The following WFDC1 variants were observed in gnomAD, a reference collection of about 807,000 sequenced individuals.
WFDC1 encodes the protein WAP four-disulfide core domain protein 1.
In WFDC1, 39 loss-of-function variants were observed where a neutral mutation model predicts 32.9. That is an observed-to-expected ratio of 1.19 (90% CI 0.92 to 1.55). WFDC1 has a LOEUF of 1.55. WFDC1 is among the 40% of genes most tolerant of loss of function. WFDC1 has a pLI of 0.00. For missense variants in WFDC1, 386 were observed against 309.5 expected (o/e 1.25, Z -1.85); for synonymous variants, 184 against 137.4 (o/e 1.34, Z -2.37).
intron 2 of WFDC1, 101 bp downstream of exon 2, chr16:84,313,254 C>A (rs1343629809): frequency 1.7e-6 from 2 of 1,186,480 alleles, no homozygotes; most frequent in African/African-American, 1.6e-5. Flanking sequence ...AGCTGGGCCA[C>A]CTGGGCGGGT....
At chr16:84,305,207 C>T (rs559954785) in intron 1 of WFDC1, among the ~76,000 whole-genome samples, 90 of 152,370 alleles carry the variant, frequency 5.9e-4, no homozygotes, top group African/African-American at 2.1e-3. Context: ...AATGCTGCCT[C>T]CCTTGCCATA....
At chr16:84,319,285 TG>T in intron 3 of WFDC1, 145 bp from the exon 4 acceptor site, 2 of 1,126,490 alleles carry the variant, frequency 1.8e-6, no homozygotes, top group Non-Finnish European at 1.2e-6. Context: ...GGGCCTAGCC[TG>T]GAACCTGGGG....
At chr16:84,314,173 C>G (rs143979849) in intron 2 of WFDC1, among the ~76,000 whole-genome samples, 3 of 152,206 alleles carry the variant, frequency 2.0e-5, no homozygotes, top group South Asian at 2.1e-4. Flanking sequence ...CGATGCCAAC[C>G]TCTCGGGGAG....
chr16:84,325,373 T>C lies in WFDC1; in HGVS notation c.604+913T>C, dbSNP rs545740554. Among the ~76,000 whole-genome samples, 4 of 152,296 alleles carry C rather than the reference T, an allele frequency of 2.6e-5. No individual in the cohort carries two copies. The South Asian group carries it at 6.2e-4, about 24-fold the overall frequency. On this transcript the variant is annotated intron_variant, in intron 5 of 6. Coordinates refer to ENST00000219454, the MANE Select transcript of WFDC1 (RefSeq NM_021197.4). ...GTCCGCCACCATACCTGGATAATTT[T>C]TGTATTTTTAGTAGAGACGAGGTTT...
intron 3 of WFDC1, 24 bp from the exon 4 acceptor site, chr16:84,319,407 C>T (rs573154673): frequency 1.2e-6 from 2 of 1,605,672 alleles, no homozygotes. Flanking sequence ...GCCTTCTAGA[C>T]CCCAGCGTGT....
intron 2 of WFDC1, among the ~76,000 whole-genome samples, chr16:84,315,651 C>T (rs542212392): frequency 5.3e-5 from 8 of 152,318 alleles, no homozygotes; most frequent in Non-Finnish European, 7.3e-5. Flanking sequence ...GGATGGTCAG[C>T]GGCTTCCTTG....
At chr16:84,323,055 A>G (rs1266640594) in intron 4 of WFDC1, among the ~76,000 whole-genome samples, 1 of 151,976 alleles carries the variant, frequency 6.6e-6, no homozygotes, top group Non-Finnish European at 1.5e-5. Flanking sequence ...GCCAGAATTC[A>G]CCCCCAGGTA....
At chr16:84,298,337 C>T (rs900692497) in intron 1 of WFDC1, among the ~76,000 whole-genome samples, 8 of 151,996 alleles carry the variant, frequency 5.3e-5, no homozygotes, top group African/African-American at 1.5e-4. Flanking sequence ...TCAGGTGATC[C>T]GCCCGCCTCG....
At chr16:84,318,877 T>C (rs892576498) in intron 3 of WFDC1, 1 of 201,688 alleles carries the variant, frequency 5.0e-6, no homozygotes, top group Non-Finnish European at 1.0e-5. Context: ...TATATGCAAC[T>C]GTGTGGCTGT....
At chr16:84,323,223 A>C (rs1908407997) in intron 4 of WFDC1, among the ~76,000 whole-genome samples, 1 of 152,236 alleles carries the variant, frequency 6.6e-6, no homozygotes, top group African/African-American at 2.4e-5. Flanking sequence ...TTGACCGATA[A>C]ATGTCCGTGC....
At chr16:84,310,463 G>A (rs961904002) in intron 1 of WFDC1, among the ~76,000 whole-genome samples, 3 of 152,112 alleles carry the variant, frequency 2.0e-5, no homozygotes, top group Admixed American at 1.3e-4. Context: ...ATGTGCCCTC[G>A]CTCTGCATGG....
intron 1 of WFDC1, among the ~76,000 whole-genome samples, chr16:84,309,596 G>A (rs1298537447): frequency 6.6e-6 from 1 of 152,100 alleles, no homozygotes; most frequent in Non-Finnish European, 1.5e-5. Context: ...TGGGGTGGGA[G>A]GGGTGGTTAA....
intron 1 of WFDC1, among the ~76,000 whole-genome samples, chr16:84,301,940 C>T (rs1906962210): frequency 6.6e-6 from 1 of 152,196 alleles, no homozygotes; most frequent in Admixed American, 6.5e-5. Flanking sequence ...AAGCAGGACA[C>T]CTCTGTGCCA....
At chr16:84,304,693 G>T (rs116794956) in intron 1 of WFDC1, among the ~76,000 whole-genome samples, 10,751 of 152,228 alleles carry the variant, frequency 0.071, 1,183 homozygotes, top group African/African-American at 0.24. Flanking sequence ...GGGTTTTCAG[G>T]AAGGTGTCGT....
chr16:84,315,363 C>CTTGTT (rs1907887759), intron 2 of WFDC1, among the ~76,000 whole-genome samples: 2 of 152,322 alleles, frequency 1.3e-5, no homozygotes, highest in Admixed American at 6.5e-5. Context: ...TGTTCATTGA[C>CTTGTT]TGTTCTCTCC....
chr16:84,308,868 CGCCAGCCTGGGCATAGAT>C (rs1567655348), intron 1 of WFDC1, among the ~76,000 whole-genome samples: 1 of 146,820 alleles, frequency 6.8e-6, no homozygotes, highest in African/African-American at 2.5e-5. Flanking sequence ...TGGGTGTAGA[CGCCAGCCTGGGCATAGAT>C]GCCATCCTGG....
intron 4 of WFDC1, among the ~76,000 whole-genome samples, chr16:84,321,497 A>T (rs1242785750): frequency 6.6e-6 from 1 of 152,202 alleles, no homozygotes; most frequent in Non-Finnish European, 1.5e-5. Flanking sequence ...CATTTATAAT[A>T]ATGACGGCAT....
intron 1 of WFDC1, 63 bp downstream of exon 1, chr16:84,295,178 G>C (rs1906519870): frequency 6.3e-7 from 1 of 1,586,068 alleles, no homozygotes; most frequent in Non-Finnish European, 8.6e-7. Flanking sequence ...CTTGAGGAGA[G>C]GCGATCCCTA....
intron 3 of WFDC1, 39 bp from the exon 4 acceptor site, chr16:84,319,392 A>G: frequency 6.3e-7 from 1 of 1,599,396 alleles, no homozygotes; most frequent in Non-Finnish European, 8.5e-7. Context: ...CTGTCCTGGG[A>G]GTCGGCCTTC....
Sources: gnomAD v4.1 joint callset for allele counts (sites outside exome capture counted in the v4.1 genomes callset) on GRCh38, gnomAD v4.1.1 for gene constraint, MANE v1.5 for transcripts, NCBI Gene and HGNC (gene_info 2026-07-23, HGNC 2026-07-21) for gene names.